The following XRCC4 variants were observed in gnomAD, a reference collection of about 807,000 sequenced individuals.
The protein encoded by XRCC4 is DNA repair protein XRCC4.
XRCC4 carries 28 observed loss-of-function variants against 39.1 expected under a neutral mutation model. The observed-to-expected ratio is 0.72, with a 90% CI of 0.53 to 0.98. XRCC4 has a LOEUF of 0.98. Among genes scored for constraint, XRCC4 ranks in the 50% least tolerant of loss-of-function variants. XRCC4 has a pLI of 0.00. For missense variants in XRCC4, 350 were observed against 376.4 expected (o/e 0.93, Z 0.58); for synonymous variants, 123 against 126.4 (o/e 0.97, Z 0.18).
chr5:83,138,722 A>C (rs10037501), intron 3 of XRCC4, among the ~76,000 whole-genome samples: 73,513 of 151,834 alleles, frequency 0.48, 18,751 homozygotes, highest in African/African-American at 0.63. Flanking sequence ...AATTAAAGGC[A>C]AGTTTCTTTA....
At chr5:83,298,020 T>G (rs1438293943) in intron 7 of XRCC4, among the ~76,000 whole-genome samples, 1 of 151,986 alleles carries the variant, frequency 6.6e-6, no homozygotes, top group Non-Finnish European at 1.5e-5. Flanking sequence ...TAATGCATCA[T>G]TTCTTTATGC....
downstream of XRCC4, among the ~76,000 whole-genome samples, chr5:83,358,679 C>T (rs1757216442): frequency 6.6e-6 from 1 of 152,138 alleles, no homozygotes. Flanking sequence ...GAACAACTTA[C>T]TTTTGATTTA....
rs534526297 is a variant in XRCC4 at position 83,105,945 on chromosome 5, C to T, written c.139+887C>T. On this transcript the variant is annotated intron_variant, in intron 2 of 7. Coordinates refer to ENST00000396027, the MANE Select transcript of XRCC4 (RefSeq NM_003401.5). Reference sequence around the variant, plus strand: ...TGTAAAATTTTGTTTCTTTCTTGAGCGTTATGAATTATGTTATACAACACA... The same window carrying T: ...TGTAAAATTTTGTTTCTTTCTTGAGTGTTATGAATTATGTTATACAACACA... 2.6e-5 allele frequency among the ~76,000 whole-genome samples: 4 copies of T among 151,876 alleles called. No individual in the cohort carries two copies. In the South Asian group the frequency reaches 6.2e-4, roughly 24 times the overall value.
intron 6 of XRCC4, among the ~76,000 whole-genome samples, chr5:83,244,816 G>A (rs1753041614): frequency 6.6e-6 from 1 of 152,128 alleles, no homozygotes; most frequent in African/African-American, 2.4e-5. Context: ...GCACAGGCCT[G>A]CACAAACTGT....
At chr5:83,216,575 C>T (rs751407023) in intron 6 of XRCC4, among the ~76,000 whole-genome samples, 55 of 152,114 alleles carry the variant, frequency 3.6e-4, no homozygotes, top group Non-Finnish European at 3.2e-4. Flanking sequence ...TGTTCATCTT[C>T]TGGTGAAACG....
intron 6 of XRCC4, among the ~76,000 whole-genome samples, chr5:83,229,710 A>G (rs1339904191): frequency 1.4e-5 from 2 of 141,978 alleles, no homozygotes; most frequent in Non-Finnish European, 3.0e-5. Context: ...GACCAAATAC[A>G]TTTGGAAAAC....
At chr5:83,192,311 A>ATT (rs1750743100) in intron 3 of XRCC4, among the ~76,000 whole-genome samples, 1 of 110,298 alleles carries the variant, frequency 9.1e-6, no homozygotes, top group Non-Finnish European at 1.9e-5. Flanking sequence ...TATATAATAT[A>ATT]TATATATATT....
At chr5:83,136,962 A>G (rs1747927029) in intron 3 of XRCC4, among the ~76,000 whole-genome samples, 2 of 152,202 alleles carry the variant, frequency 1.3e-5, no homozygotes, top group African/African-American at 2.4e-5. Context: ...ACAAACACAC[A>G]CAAAAGAGGT....
At chr5:83,144,062 T>C (rs537452771) in intron 3 of XRCC4, among the ~76,000 whole-genome samples, 285 of 152,140 alleles carry the variant, frequency 1.9e-3, no homozygotes, top group Non-Finnish European at 3.0e-3. Flanking sequence ...CCCTCTGCCT[T>C]CCCCCCTTCT....
At chr5:83,112,114 C>T (rs1257402014) in intron 3 of XRCC4, among the ~76,000 whole-genome samples, 2 of 151,040 alleles carry the variant, frequency 1.3e-5, no homozygotes, top group African/African-American at 2.4e-5. Flanking sequence ...TGCAGAGAAA[C>T]TACCCTTAGT....
the XRCC4 span, among the ~76,000 whole-genome samples, chr5:83,359,115 T>G: frequency 6.6e-6 from 1 of 152,106 alleles, no homozygotes; most frequent in East Asian, 1.9e-4. Context: ...CATGTGTGAA[T>G]ACACACCAGG....
rs527849691 is a variant in XRCC4 at position 83,267,282 on chromosome 5, G to A, written c.893+8605G>A. The stretch of plus-strand genomic sequence containing the variant: ...TTGAAGATGAATGTTATTTCTAAAG[G>A]TATAAACTGAAAGAAAGAGAGTTCT... On this transcript the variant is annotated intron_variant, in intron 7 of 7. Coordinates refer to ENST00000396027, the MANE Select transcript of XRCC4 (RefSeq NM_003401.5). 1.0e-3 allele frequency among the ~76,000 whole-genome samples: 159 copies of A among 152,194 alleles called. 1 individual carries two copies. Among genetic ancestry groups the A allele is most frequent in the African/African-American group, 3.7e-3 (152 of 41,534 alleles).
At chr5:83,113,313 C>T (rs1746538649) in intron 3 of XRCC4, among the ~76,000 whole-genome samples, 1 of 152,218 alleles carries the variant, frequency 6.6e-6, no homozygotes, top group East Asian at 1.9e-4. Flanking sequence ...GAGGCGGACT[C>T]CCACAACCTT....
chr5:83,086,016 A>G (rs558679908), intron 1 of XRCC4, among the ~76,000 whole-genome samples: 1 of 152,344 alleles, frequency 6.6e-6, no homozygotes, highest in Admixed American at 6.5e-5. Flanking sequence ...AAACTTAGCA[A>G]TTCTTTGAAC....
At chr5:83,124,282 A>G (rs1747153856) in intron 3 of XRCC4, among the ~76,000 whole-genome samples, 1 of 152,118 alleles carries the variant, frequency 6.6e-6, no homozygotes, top group Non-Finnish European at 1.5e-5. Flanking sequence ...TATTCAGACT[A>G]TCCATCCAAT....
intron 3 of XRCC4, among the ~76,000 whole-genome samples, chr5:83,166,528 A>T (rs1438162361): frequency 6.7e-6 from 1 of 148,928 alleles, no homozygotes; most frequent in African/African-American, 2.5e-5. Context: ...CCGTGGTATG[A>T]TCTCAGCTCA....
chr5:83,341,619 A>G (rs1051360688), intron 7 of XRCC4, among the ~76,000 whole-genome samples: 19 of 152,124 alleles, frequency 1.2e-4, no homozygotes, highest in African/African-American at 4.6e-4. Context: ...GAAGAAAAAA[A>G]CATCCTCTGG....
intron 3 of XRCC4, among the ~76,000 whole-genome samples, chr5:83,181,553 G>A (rs1205302002): frequency 6.6e-6 from 1 of 152,088 alleles, no homozygotes; most frequent in East Asian, 1.9e-4. Context: ...GCATCTGCAT[G>A]CCTGTTTTCT....
the XRCC4 span, among the ~76,000 whole-genome samples, chr5:83,368,164 TATTG>T: frequency 3.8e-3 from 571 of 152,164 alleles, 4 homozygotes; most frequent in African/African-American, 0.013. Context: ...TTTTGCAAGC[TATTG>T]ATTAAGAGAA....
Sources: allele counts gnomAD v4.1 joint callset (sites outside exome capture counted in the v4.1 genomes callset), GRCh38; gene constraint gnomAD v4.1.1; transcripts MANE v1.5; gene names NCBI Gene and HGNC (gene_info 2026-07-23, HGNC 2026-07-21).